The following FGGY variants were observed in gnomAD, a reference collection of about 807,000 sequenced individuals.
FGGY encodes the protein FGGY carbohydrate kinase domain containing.
FGGY carries 72 observed loss-of-function variants against 71.3 expected under a neutral mutation model. The ratio of observed to expected loss-of-function variants is 1.01; its 90% CI spans 0.84 to 1.23. The LOEUF is 1.23. Ranked by LOEUF, FGGY falls within the 50% of genes most tolerant of loss-of-function variation. FGGY has a pLI of 0.00. For missense variants in FGGY, 668 were observed against 682.3 expected, an observed-to-expected ratio of 0.98 and a Z score of 0.23; for synonymous variants, 251 against 250.3, an observed-to-expected ratio of 1.00 and a Z score of -0.02.
At chr1:59,721,598 A>G (rs888849262) in intron 14 of FGGY, among the ~76,000 whole-genome samples, 3 of 152,124 alleles carry the variant, frequency 2.0e-5, no homozygotes, top group Non-Finnish European at 2.9e-5. Flanking sequence ...TTGGCTTCCC[A>G]AAGTGCTGGG....
At chr1:59,762,344 C>G (rs1353133141) in intron 15 of FGGY, among the ~76,000 whole-genome samples, 159 bp from the exon 16 acceptor site, 1 of 152,202 alleles carries the variant, frequency 6.6e-6, no homozygotes, top group Non-Finnish European at 1.5e-5. Context: ...TATAATAGGT[C>G]TGAAACATGC....
At chr1:59,652,546 G>A (rs1274224750) in intron 11 of FGGY, among the ~76,000 whole-genome samples, 21 of 142,272 alleles carry the variant, frequency 1.5e-4, no homozygotes, top group South Asian at 7.4e-4. Flanking sequence ...TGATCGCATC[G>A]GCTCCTGAGG....
chr1:59,630,261 T>A (rs1456138633), intron 10 of FGGY, among the ~76,000 whole-genome samples: 1 of 152,080 alleles, frequency 6.6e-6, no homozygotes, highest in African/African-American at 2.4e-5. Flanking sequence ...AAATTCAAGA[T>A]GAGATTTGGT....
rs543913781 is a variant in FGGY, at chr1:59,745,450, T to A, written c.1513-12481T>A. On this transcript the variant is annotated intron_variant, in intron 14 of 15. Coordinates refer to ENST00000303721, the MANE Select transcript of FGGY (RefSeq NM_018291.5). ...ATGTTAATATTATCACACATTTTGA[T>A]TCTTTGCTGTCGATTTGGTTGCTGA... Among the ~76,000 whole-genome samples, 15 of 152,330 alleles carry A rather than the reference T, an allele frequency of 9.8e-5. No homozygotes were observed. The East Asian group carries it at 2.7e-3, about 27-fold the overall frequency.
chr1:59,540,905 T>A (rs1233309137), intron 7 of FGGY, among the ~76,000 whole-genome samples: 3 of 152,226 alleles, frequency 2.0e-5, no homozygotes, highest in African/African-American at 7.2e-5. Context: ...CCTGCCTGTA[T>A]TAGGTGCTTC....
chr1:59,577,931 A>G (rs1457899681), intron 8 of FGGY, among the ~76,000 whole-genome samples: 1 of 152,108 alleles, frequency 6.6e-6, no homozygotes, highest in Non-Finnish European at 1.5e-5. Flanking sequence ...GCCACATGTA[A>G]CAGAATGTTA....
chr1:59,732,877 G>A (rs1215797296), intron 14 of FGGY, among the ~76,000 whole-genome samples: 2 of 152,066 alleles, frequency 1.3e-5, no homozygotes, highest in African/African-American at 4.8e-5. Flanking sequence ...ATGGAATTTA[G>A]ACAGAATTCC....
intron 5 of FGGY, among the ~76,000 whole-genome samples, chr1:59,413,237 A>T (rs1485872104): frequency 6.6e-6 from 1 of 152,208 alleles, no homozygotes; most frequent in African/African-American, 2.4e-5. Context: ...TGTACGCCTT[A>T]GAATTGTTCA....
intron 6 of FGGY, 33 bp from the exon 7 acceptor site, chr1:59,512,278 T>G (rs369356815): frequency 9.6e-6 from 15 of 1,570,094 alleles, no homozygotes; most frequent in Non-Finnish European, 1.2e-5. Flanking sequence ...TTTTTCAAAC[T>G]GATGGTGTTT....
At chr1:59,566,263 G>A (rs749396303) in intron 8 of FGGY, among the ~76,000 whole-genome samples, 1 of 152,132 alleles carries the variant, frequency 6.6e-6, no homozygotes, top group Non-Finnish European at 1.5e-5. Context: ...CGTGCCAAGT[G>A]CCTGCATGCA....
At chr1:59,581,592 A>G (rs567377667) in intron 8 of FGGY, among the ~76,000 whole-genome samples, 2 of 150,300 alleles carry the variant, frequency 1.3e-5, no homozygotes, top group African/African-American at 5.0e-5. Context: ...AGCATATAAT[A>G]GACATACAGT....
chr1:59,354,868 CTT>C (rs1266030245), intron 4 of FGGY, among the ~76,000 whole-genome samples: 2 of 152,168 alleles, frequency 1.3e-5, no homozygotes, highest in Non-Finnish European at 2.9e-5. Flanking sequence ...GTGGGCCTCT[CTT>C]GGGAGTTTTT....
intron 4 of FGGY, among the ~76,000 whole-genome samples, chr1:59,350,932 T>C (rs2053156584): frequency 6.6e-6 from 1 of 152,244 alleles, no homozygotes; most frequent in South Asian, 2.1e-4. Context: ...GAGTTTTTTG[T>C]TACATGAGTC....
intron 6 of FGGY, among the ~76,000 whole-genome samples, chr1:59,491,238 C>T (rs1157925658): frequency 6.7e-6 from 1 of 148,840 alleles, no homozygotes; most frequent in Non-Finnish European, 1.5e-5. Flanking sequence ...AATTTTAAGG[C>T]TTTTTTCTAT....
At chr1:59,588,308 C>G (rs1413858493) in intron 8 of FGGY, among the ~76,000 whole-genome samples, 1 of 152,076 alleles carries the variant, frequency 6.6e-6, no homozygotes, top group Admixed American at 6.5e-5. Context: ...AAGACCAAAT[C>G]TACGTCTGAT....
intron 5 of FGGY, among the ~76,000 whole-genome samples, chr1:59,386,610 A>C (rs2060104702): frequency 6.6e-6 from 1 of 150,782 alleles, no homozygotes; most frequent in Admixed American, 6.6e-5. Context: ...AGGAGTGGGG[A>C]GTAGTTATGC....
intron 6 of FGGY, among the ~76,000 whole-genome samples, chr1:59,481,723 C>G (rs1269003592): frequency 1.3e-5 from 2 of 152,012 alleles, no homozygotes; most frequent in Non-Finnish European, 2.9e-5. Flanking sequence ...TGTACAATGT[C>G]ATTATTTTAG....
chr1:59,740,332 A>G (rs2098137324), intron 14 of FGGY, among the ~76,000 whole-genome samples: 1 of 152,172 alleles, frequency 6.6e-6, no homozygotes, highest in Non-Finnish European at 1.5e-5. Context: ...TCATGTTCAG[A>G]GAGATGACCT....
At chr1:59,592,606 T>C (rs1423366516) in intron 8 of FGGY, among the ~76,000 whole-genome samples, 1 of 152,100 alleles carries the variant, frequency 6.6e-6, no homozygotes, top group Non-Finnish European at 1.5e-5. Context: ...TATACAGCCA[T>C]GAAAATTGAT....
Sources: allele counts gnomAD v4.1 joint callset (sites outside exome capture counted in the v4.1 genomes callset), GRCh38; gene constraint gnomAD v4.1.1; transcripts MANE v1.5; gene names NCBI Gene and HGNC (gene_info 2026-07-23, HGNC 2026-07-21).